The following PAK5 variants were observed in gnomAD, a reference collection of about 807,000 sequenced individuals.
The protein encoded by PAK5 is serine/threonine-protein kinase PAK 5.
Under a neutral mutation model 65.9 loss-of-function variants are expected in PAK5, and 16 were observed. The observed-to-expected ratio is 0.24, with a 90% CI of 0.16 to 0.37. The LOEUF is 0.37. PAK5 is among the 10% of genes least tolerant of loss of function. The probability of loss-of-function intolerance (pLI) is 1.00; values close to 1 mark genes in which losing one functional copy is unlikely to be tolerated. For synonymous variants in PAK5, 371 were observed against 354.9 expected, an observed-to-expected ratio of 1.05 and a Z score of -0.51; for missense variants, 785 against 903.9, an observed-to-expected ratio of 0.87 and a Z score of 1.69.
chr20:9,686,982 A>AAC (rs973905140), intron 2 of PAK5, among the ~76,000 whole-genome samples: 5 of 152,278 alleles, frequency 3.3e-5, no homozygotes, highest in Admixed American at 6.5e-5. Context: ...TCTGCTAGGG[A>AAC]ACTCTGAGAA....
intron 2 of PAK5, among the ~76,000 whole-genome samples, chr20:9,709,607 T>C (rs2048053035): frequency 6.6e-6 from 1 of 152,178 alleles, no homozygotes; most frequent in South Asian, 2.1e-4. Context: ...ACTGTATAAT[T>C]GCTGCACTGG....
intron 1 of PAK5, among the ~76,000 whole-genome samples, chr20:9,752,424 G>A (rs1489320676): frequency 6.6e-6 from 1 of 152,088 alleles, no homozygotes; most frequent in Non-Finnish European, 1.5e-5. Context: ...ACGGATTAGG[G>A]ATGGCCAAGA....
chr20:9,670,581 T>C (rs6118689), intron 2 of PAK5, among the ~76,000 whole-genome samples: 27,837 of 152,188 alleles, frequency 0.18, 2,915 homozygotes, highest in East Asian at 0.39. Flanking sequence ...TTTTGAGAAG[T>C]GTCTGTTCAT....
intron 2 of PAK5, among the ~76,000 whole-genome samples, chr20:9,672,145 T>C (rs924958866): frequency 6.6e-6 from 1 of 151,902 alleles, no homozygotes. Flanking sequence ...TAATTCAGCT[T>C]TTGAAGGCAG....
intron 3 of PAK5, among the ~76,000 whole-genome samples, chr20:9,637,468 T>C (rs1293805960): frequency 6.6e-6 from 1 of 152,144 alleles, no homozygotes; most frequent in Non-Finnish European, 1.5e-5. Flanking sequence ...GAACCCCCCA[T>C]AGGTTTAGAC....
chr20:9,801,372 T>C (rs6056895), intron 1 of PAK5, among the ~76,000 whole-genome samples: 117,610 of 151,448 alleles, frequency 0.78, 45,854 homozygotes, highest in African/African-American at 0.84. Flanking sequence ...GAAACTGTTT[T>C]ATAGATTTTT....
chr20:9,678,441 C>T (rs995949405), intron 2 of PAK5, among the ~76,000 whole-genome samples: 3 of 152,136 alleles, frequency 2.0e-5, no homozygotes, highest in Admixed American at 2.0e-4. Context: ...GTGGCAGGCG[C>T]CTGTAGTCCC....
intron 1 of PAK5, among the ~76,000 whole-genome samples, chr20:9,766,322 CTACT>C (rs142637265): frequency 0.36 from 7,447 of 20,692 alleles, 2,122 homozygotes; most frequent in Middle Eastern, 0.42. Flanking sequence ...TATATATATT[CTACT>C]TACTTGAATA....
intron 1 of PAK5, among the ~76,000 whole-genome samples, chr20:9,737,582 C>A (rs1308639222): frequency 6.6e-6 from 1 of 151,670 alleles, no homozygotes; most frequent in Non-Finnish European, 1.5e-5. Context: ...AGAATAAATA[C>A]AGAGAAAATG....
rs2123017092 is a variant in PAK5 at position 9,580,651 on chromosome 20, C to G, written c.484G>C (p.Gly162Arg). The change falls in exon 4 of 10, where the codon GGC (glycine) becomes CGC (arginine). Residue 162 changes from glycine to arginine, a missense_variant. Physicochemically the swap from Gly to Arg is moderately radical, Grantham distance 125. Around this residue, in one of 4 missense-constraint regions of PAK5, gnomAD observed 422 missense variants for 413.3 expected, o/e 1.02. Coordinates refer to ENST00000353224, the MANE Select transcript of PAK5 (RefSeq NM_177990.4). ...CCATTTTGCTTGGCTGCGTGGCTGC[C>G]TCTATAATACGGATCCAGATCATCT... is the stretch of plus-strand genomic sequence containing the variant. ...YGDDLDPYYR[G>R]SHAAKQNGHV... 1 of 1,614,006 alleles carries G rather than the reference C, an allele frequency of 6.2e-7. No individual in the cohort carries two copies. The highest frequency in any genetic ancestry group is 8.5e-7 in the Non-Finnish European group (1 of 1,180,004).
chr20:9,549,629 C>A (rs1024239306), intron 7 of PAK5, among the ~76,000 whole-genome samples: 1 of 152,128 alleles, frequency 6.6e-6, no homozygotes. Context: ...AAACTCAGGA[C>A]GCCAATTCAT....
intron 1 of PAK5, among the ~76,000 whole-genome samples, chr20:9,773,232 A>ATTATC (rs1569082583): frequency 6.6e-6 from 1 of 152,096 alleles, no homozygotes; most frequent in Non-Finnish European, 1.5e-5. Context: ...GTTCTCTTTA[A>ATTATC]GTTCTTTTTT....
At position 9,580,809 on chromosome 20, in the gene PAK5, T is replaced by TGG. The variant is rs751055070; in HGVS notation, c.325_326insCC (p.Asp109AlafsTer65). On this transcript the variant is annotated frameshift_variant, in exon 4 of 10. Transcript: ENST00000353224. LOFTEE classifies it high-confidence loss of function. ...TGGACCGTGGCTGGAGGCTCCCTGATCTGGGGTGGGTGGGCTTTCTTTCCT... is the reference window on the plus strand; with the variant it reads ...TGGACCGTGGCTGGAGGCTCCCTGATGGCTGGGGTGGGTGGGCTTTCTTTCCT... 4.9e-5 allele frequency: 79 copies of TGG among 1,613,906 alleles called. No homozygotes were observed. The highest frequency in any genetic ancestry group is 3.8e-5 in the Non-Finnish European group (45 of 1,180,002).
At chr20:9,744,377 A>G (rs1345045827) in intron 1 of PAK5, among the ~76,000 whole-genome samples, 2 of 152,218 alleles carry the variant, frequency 1.3e-5, no homozygotes, top group Non-Finnish European at 2.9e-5. Flanking sequence ...TTTATGCCTA[A>G]TAGCTCATTC....
intron 6 of PAK5, 23 bp from the exon 7 acceptor site, chr20:9,557,757 G>A (rs1211743599): frequency 6.2e-7 from 1 of 1,603,436 alleles, no homozygotes; most frequent in Non-Finnish European, 8.5e-7. Flanking sequence ...TAACATTTAA[G>A]GAACAAGACA....
Position 9,590,028 on chromosome 20 carries a change from T to C in PAK5, c.205-9098A>G, listed in dbSNP as rs148425436. 1.3e-3 allele frequency among the ~76,000 whole-genome samples: 192 copies of C among 152,182 alleles called. 2 individuals carry two copies. In the East Asian group the frequency reaches 0.032, roughly 26 times the overall value. Reference sequence around the variant, plus strand: ...TTGAAGACAAGGTCTTGCTCTGTCTTCCAGGCTGGAGTATAGTGGTGCAAT... The same window carrying C: ...TTGAAGACAAGGTCTTGCTCTGTCTCCCAGGCTGGAGTATAGTGGTGCAAT... On this transcript the variant is annotated intron_variant, in intron 3 of 9. Transcript: ENST00000353224.
At chr20:9,546,914 A>T (rs2045353495) in intron 7 of PAK5, among the ~76,000 whole-genome samples, 1 of 152,210 alleles carries the variant, frequency 6.6e-6, no homozygotes, top group African/African-American at 2.4e-5. Context: ...GATAATGATG[A>T]CAATGATAAT....
Position 9,599,413 on chromosome 20 carries a change from T to C in PAK5, c.205-18483A>G, listed in dbSNP as rs189840601. Among the ~76,000 whole-genome samples, 438 of 152,356 alleles carry C rather than the reference T, an allele frequency of 2.9e-3. 3 individuals carry two copies. The highest frequency in any genetic ancestry group is 9.6e-3 in the African/African-American group (398 of 41,590). On this transcript the variant is annotated intron_variant, in intron 3 of 9. Coordinates refer to ENST00000353224, the MANE Select transcript of PAK5 (RefSeq NM_177990.4). ...AGAGTTAAGTCCACGTTTAACCTTC[T>C]GAAGAATCAACAAACTGTTTTCCAC... is the stretch of plus-strand genomic sequence containing the variant.
At chr20:9,820,453 G>T (rs1258964016) in intron 1 of PAK5, among the ~76,000 whole-genome samples, 1 of 152,168 alleles carries the variant, frequency 6.6e-6, no homozygotes, top group Non-Finnish European at 1.5e-5. Context: ...CCTCCAAGGA[G>T]AAATGAAGGC....
Sources: gnomAD v4.1 joint callset for allele counts (sites outside exome capture counted in the v4.1 genomes callset) on GRCh38, gnomAD v4.1.1 for gene constraint, gnomAD v4.1.1 regional missense constraint, MANE v1.5 for transcripts, NCBI Gene and HGNC (gene_info 2026-07-23, HGNC 2026-07-21) for gene names.